Variants in ORC5 observed in about 807,000 individuals in gnomAD.
ORC5 encodes protein phosphatase 1, regulatory subunit 117.
Under a neutral mutation model 58.8 loss-of-function variants are expected in ORC5, and 39 were observed. That is an observed-to-expected ratio of 0.66 (90% CI 0.51 to 0.87). The LOEUF is 0.87. Ranked by LOEUF, ORC5 falls within the 40% of genes least tolerant of loss-of-function variation. The pLI is 0.00. For synonymous variants in ORC5, 218 were observed against 177.6 expected, an observed-to-expected ratio of 1.23 and a Z score of -1.81; for missense variants, 493 against 506.3, an observed-to-expected ratio of 0.97 and a Z score of 0.25.
chr7:104,142,614 A>G (rs987787962), intron 12 of ORC5, among the ~76,000 whole-genome samples: 1 of 152,352 alleles, frequency 6.6e-6, no homozygotes, highest in African/African-American at 2.4e-5. Context: ...AAAGAGATAC[A>G]TATAAAATGG....
At chr7:104,174,005 C>T (rs561431600) in intron 8 of ORC5, among the ~76,000 whole-genome samples, 3 of 151,220 alleles carry the variant, frequency 2.0e-5, no homozygotes, top group African/African-American at 7.3e-5. Flanking sequence ...CCACTACGCC[C>T]GGCTAATTTT....
At chr7:104,166,066 G>C (rs1237861712) in intron 10 of ORC5, among the ~76,000 whole-genome samples, 1 of 151,926 alleles carries the variant, frequency 6.6e-6, no homozygotes, top group Non-Finnish European at 1.5e-5. Flanking sequence ...CTGAAGAGTA[G>C]CACAAGACAT....
intron 1 of ORC5, 52 bp downstream of exon 1, chr7:104,207,781 G>T: frequency 6.5e-7 from 1 of 1,542,176 alleles, no homozygotes; most frequent in Non-Finnish European, 9.0e-7. Flanking sequence ...CAGGTCGCAA[G>T]ACTACCGAAA....
chr7:104,201,055 T>G, intron 2 of ORC5, 97 bp from the exon 3 acceptor site: 1 of 1,037,534 alleles, frequency 9.6e-7, no homozygotes, highest in Non-Finnish European at 1.4e-6. Context: ...TCTAAATCTA[T>G]ATCCCACCAA....
At chr7:104,196,737 T>A (rs1043466713) in intron 4 of ORC5, among the ~76,000 whole-genome samples, 9 of 152,220 alleles carry the variant, frequency 5.9e-5, no homozygotes, top group African/African-American at 2.2e-4. Flanking sequence ...TAGGTAGGTA[T>A]AAACTGCTTA....
At chr7:104,140,811 T>G (rs1798661707) in intron 12 of ORC5, among the ~76,000 whole-genome samples, 1 of 152,230 alleles carries the variant, frequency 6.6e-6, no homozygotes, top group Admixed American at 6.5e-5. Context: ...TTTTTTTCTC[T>G]TACTTATTAA....
intron 6 of ORC5, chr7:104,184,452 CT>C: frequency 3.1e-6 from 1 of 321,950 alleles, no homozygotes; most frequent in East Asian, 5.4e-5. Flanking sequence ...TGGCAAGACC[CT>C]GCTTCTTTCT....
Position 104,203,292 on chromosome 7 carries a change from T to C in ORC5, c.165+850A>G, listed in dbSNP as rs951072839. ...ACCTGTTTTTGTACATACTGTTGCT[T>C]TGAAACACAGTCATGCCCATTCACA... On this transcript the variant is annotated intron_variant, in intron 2 of 13. Transcript: ENST00000297431. 8.5e-5 allele frequency among the ~76,000 whole-genome samples: 13 copies of C among 152,310 alleles called. No individual in the cohort carries two copies. In the East Asian group the frequency reaches 1.4e-3, roughly 16 times the overall value.
rs544044841 is a variant in ORC5, at chr7:104,139,432, C to T, written c.1150-2539G>A. Among the ~76,000 whole-genome samples, 3 of 152,174 alleles carry T rather than the reference C, an allele frequency of 2.0e-5. No individual in the cohort carries two copies. In the South Asian group the frequency reaches 6.2e-4, roughly 32 times the overall value. ...ACTGGCTTAGCAAGAATTCAAGAAA[C>T]CATGATCATCTTACTATATTACATT... On this transcript the variant is annotated intron_variant, in intron 12 of 13. Coordinates refer to ENST00000297431, the MANE Select transcript of ORC5 (RefSeq NM_002553.4).
At position 104,179,959 on chromosome 7, in the gene ORC5, C is replaced by T. The variant is rs1799401550; in HGVS notation, c.824+3984G>A. On this transcript the variant is annotated intron_variant, in intron 8 of 13. Coordinates refer to ENST00000297431, the MANE Select transcript of ORC5 (RefSeq NM_002553.4). ...CTGATTATAACTCTGCTGTTAAAGT[C>T]TAACTCTAAAATGTTTGTCTTGATG... 2.0e-5 allele frequency among the ~76,000 whole-genome samples: 3 copies of T among 152,158 alleles called. No homozygotes were observed. In the South Asian group the frequency reaches 6.2e-4, roughly 32 times the overall value.
intron 12 of ORC5, among the ~76,000 whole-genome samples, chr7:104,145,807 G>A (rs777272528): frequency 3.3e-5 from 5 of 152,084 alleles, no homozygotes; most frequent in Non-Finnish European, 4.4e-5. Flanking sequence ...ACCCAAGAGC[G>A]AAAGGTGAAC....
rs778869215 is a variant in ORC5, at chr7:104,187,278, C to CTGT, written c.684+970_684+972dup. ...TAGTGATAAGCTTGAACTGGAAAAA[C>CTGT]TGTTTTGTTTTTTCCCAGCTGAGAA... is the stretch of plus-strand genomic sequence containing the variant. On this transcript the variant is annotated intron_variant, in intron 6 of 13. Coordinates refer to ENST00000297431, the MANE Select transcript of ORC5 (RefSeq NM_002553.4). Among the ~76,000 whole-genome samples, 21 of 152,280 alleles carry CTGT rather than the reference C, an allele frequency of 1.4e-4. 1 individual carries two copies. Among genetic ancestry groups the CTGT allele is most frequent in the Admixed American group, 2.0e-4 (3 of 15,290 alleles).
Position 104,184,113 on chromosome 7 carries a change from A to G in ORC5, c.733+10T>C, listed in dbSNP as rs2307410. On this transcript the variant is annotated intron_variant, in intron 7 of 13. Coordinates refer to ENST00000297431, the MANE Select transcript of ORC5 (RefSeq NM_002553.4). The stretch of plus-strand genomic sequence containing the variant: ...AAAATAAATATTAATGAGTAAAATT[A>G]CACAGTTACCTTCTCCTTTAACCAC... 2.9e-3 allele frequency: 4,636 copies of G among 1,591,554 alleles called. 133 individuals are homozygous for G. The African/African-American group carries it at 0.054, about 19-fold the overall frequency.
chr7:104,130,299 C>A (rs995457014), intron 13 of ORC5, among the ~76,000 whole-genome samples: 7 of 152,202 alleles, frequency 4.6e-5, no homozygotes, highest in African/African-American at 1.7e-4. Context: ...CTTCCTACAG[C>A]TTCTCTGTCC....
chr7:104,200,783 T>C lies in ORC5; in HGVS notation c.341A>G (p.Asn114Ser). The C allele has an allele frequency of 1.2e-6, 2 of 1,607,492 alleles. No individual in the cohort carries two copies. Among genetic ancestry groups the C allele is most frequent in the South Asian group, 1.1e-5 (1 of 90,798 alleles). ...RLFKQVTTAE[N>S]LKDQTVYIVL... ...AATATATACAGTCTGATCTTTAAGA[T>C]TTTCAGCTGTGGTTACTTGTTTAAA... Residue 114 changes from asparagine (N) to serine (S), a missense_variant, in exon 3 of 14, where the codon AAT becomes AGT. Asn to Ser is a conservative substitution (Grantham distance 46). Around this residue, in one of 3 missense-constraint regions of ORC5, gnomAD observed 412 missense variants for 403.7 expected, o/e 1.02. Transcript: ENST00000297431.
chr7:104,155,442 T>C (rs1798908584), intron 12 of ORC5, among the ~76,000 whole-genome samples: 1 of 151,500 alleles, frequency 6.6e-6, no homozygotes, highest in African/African-American at 2.4e-5. Context: ...AGAACTATGC[T>C]CCTTTTCTAA....
chr7:104,179,448 G>C (rs1192246672), intron 8 of ORC5, among the ~76,000 whole-genome samples: 3 of 151,988 alleles, frequency 2.0e-5, no homozygotes, highest in African/African-American at 7.2e-5. Context: ...GGAATTATTT[G>C]TAAGTCTTTC....
chr7:104,137,808 C>T (rs1053609696), intron 12 of ORC5, among the ~76,000 whole-genome samples: 1 of 152,192 alleles, frequency 6.6e-6, no homozygotes. Flanking sequence ...AGAGCTACTT[C>T]CACTATTCAA....
intron 12 of ORC5, among the ~76,000 whole-genome samples, chr7:104,145,137 T>G (rs558167732): frequency 1.1e-3 from 168 of 152,208 alleles, no homozygotes; most frequent in Non-Finnish European, 2.1e-3. Flanking sequence ...CCTTCTTAGT[T>G]TGGAAACTTG....
Sources: allele counts gnomAD v4.1 joint callset (sites outside exome capture counted in the v4.1 genomes callset), GRCh38; gene constraint gnomAD v4.1.1; regional missense constraint gnomAD v4.1.1; transcripts MANE v1.5; gene names NCBI Gene and HGNC (gene_info 2026-07-23, HGNC 2026-07-21).